TAF12: variants seen among roughly 807,000 people sequenced by gnomAD.
TAF12 encodes transcription initiation factor TFIID subunit 12.
A neutral mutation model predicts 20.8 loss-of-function variants in TAF12; 3 were observed. The observed-to-expected ratio is 0.14, with a 90% CI of 0.07 to 0.37. The LOEUF (loss-of-function observed/expected upper bound fraction) is 0.37, where lower values mean the gene tolerates loss of function less well. Ranked by LOEUF, TAF12 falls within the 10% of genes least tolerant of loss-of-function variation. The pLI is 1.00. For synonymous variants in TAF12, 69 were observed against 70.2 expected (o/e 0.98, Z 0.09); for missense variants, 131 against 197.9 (o/e 0.66, Z 2.03).
intron 3 of TAF12, among the ~76,000 whole-genome samples, chr1:28,613,906 G>A (rs1035932916): frequency 1.3e-5 from 2 of 152,146 alleles, no homozygotes; most frequent in South Asian, 2.1e-4. Context: ...TCAGAAGTTC[G>A]AGACCAGCCC....
intron 2 of TAF12, 59 bp from the exon 3 acceptor site, chr1:28,618,089 T>A (rs554548739): frequency 2.0e-6 from 3 of 1,490,008 alleles, no homozygotes; most frequent in East Asian, 4.6e-5. Context: ...AACAAATCAT[T>A]ACCCTGTAAT....
chr1:28,635,979 G>A (rs1362558775), intron 1 of TAF12, among the ~76,000 whole-genome samples: 1 of 152,126 alleles, frequency 6.6e-6, no homozygotes, highest in Non-Finnish European at 1.5e-5. Flanking sequence ...GCCCTATACT[G>A]TGGTGCATGA....
In TAF12 at chr1:28,606,101, C is replaced by A. The variant is rs559199345; in HGVS notation, c.362-641G>T. Among the ~76,000 whole-genome samples the A allele has an allele frequency of 3.3e-5, 5 of 152,178 alleles. No individual in the cohort carries two copies. The East Asian group carries it at 9.7e-4, about 29-fold the overall frequency. Reference sequence around the variant, plus strand: ...GAAACCTCTGCCACCTGGGTTCAAGCGATTCTCCTGCCTCAGACTCCCGAG... The same window carrying A: ...GAAACCTCTGCCACCTGGGTTCAAGAGATTCTCCTGCCTCAGACTCCCGAG... On this transcript the variant is annotated intron_variant, in intron 4 of 5. Transcript: ENST00000373824.
intron 1 of TAF12, among the ~76,000 whole-genome samples, chr1:28,627,406 A>AAAAAG (rs1667443611): frequency 6.6e-6 from 1 of 150,780 alleles, no homozygotes; most frequent in African/African-American, 2.4e-5. Context: ...AAAAAAAAAA[A>AAAAAG]AAAGAGGCCG....
intron 1 of TAF12, among the ~76,000 whole-genome samples, chr1:28,639,426 CAAA>C (rs58772752): frequency 1.1e-5 from 1 of 89,516 alleles, no homozygotes; most frequent in Admixed American, 1.2e-4. Context: ...CTCCGTCTCA[CAAA>C]AAAAAAAAAA....
At position 28,603,402 on chromosome 1, in the gene TAF12, A is replaced by G; in HGVS notation, c.*137T>C. ...TGGCAGATCCTCTCAGTCATTATAGATATTGCTGCACTGTTAATAAAAAAT... is the reference window on the plus strand; with the variant it reads ...TGGCAGATCCTCTCAGTCATTATAGGTATTGCTGCACTGTTAATAAAAAAT... On this transcript the variant is annotated 3_prime_UTR_variant, in exon 6 of 6. Coordinates refer to ENST00000373824, the MANE Select transcript of TAF12 (RefSeq NM_005644.4). The G allele has an allele frequency of 1.2e-6, 1 of 839,814 alleles. No homozygotes were observed. Among genetic ancestry groups the G allele is most frequent in the Non-Finnish European group, 1.9e-6 (1 of 533,230 alleles). 52.0% of individuals were successfully genotyped at this position (839,814 alleles called of 1,614,324 possible).
intron 1 of TAF12, among the ~76,000 whole-genome samples, chr1:28,625,658 C>T (rs1166420252): frequency 6.6e-6 from 1 of 151,520 alleles, no homozygotes; most frequent in Non-Finnish European, 1.5e-5. Flanking sequence ...TCTCCTGTCT[C>T]AGCCTCCCAA....
intron 1 of TAF12, chr1:28,642,756 G>A (rs1668080331): frequency 1.0e-6 from 1 of 985,380 alleles, no homozygotes; most frequent in East Asian, 1.1e-4. Flanking sequence ...CTTTCCCTCA[G>A]ATGCCGGAGA....
intron 1 of TAF12, among the ~76,000 whole-genome samples, chr1:28,629,886 C>T (rs1397952803): frequency 1.3e-5 from 2 of 152,042 alleles, no homozygotes; most frequent in African/African-American, 2.4e-5. Context: ...TCAGTCTTCT[C>T]CCCTCAGCTT....
chr1:28,635,222 T>C (rs1667777439), intron 1 of TAF12, among the ~76,000 whole-genome samples: 1 of 140,160 alleles, frequency 7.1e-6, no homozygotes, highest in South Asian at 2.6e-4. Flanking sequence ...AGAGCAAGAC[T>C]CCGTCTCAAA....
intron 1 of TAF12, among the ~76,000 whole-genome samples, chr1:28,632,692 T>C (rs934435148): frequency 2.0e-5 from 3 of 151,386 alleles, no homozygotes; most frequent in Non-Finnish European, 4.4e-5. Context: ...TGTTAAGGAG[T>C]CTGGGGCAGA....
chr1:28,630,687 A>C (rs1420459695), intron 1 of TAF12, among the ~76,000 whole-genome samples: 1 of 145,770 alleles, frequency 6.9e-6, no homozygotes, highest in Non-Finnish European at 1.5e-5. Flanking sequence ...CAATCCACAA[A>C]AGAAAAGAAT....
chr1:28,635,936 T>C (rs1004223809), intron 1 of TAF12, among the ~76,000 whole-genome samples: 48 of 152,120 alleles, frequency 3.2e-4, no homozygotes, highest in African/African-American at 1.1e-3. Context: ...AGCAAAATAC[T>C]GGAATCAAGA....
At chr1:28,623,481 A>G (rs914330684) in intron 1 of TAF12, among the ~76,000 whole-genome samples, 1 of 117,402 alleles carries the variant, frequency 8.5e-6, no homozygotes, top group African/African-American at 3.9e-5. Flanking sequence ...ATCTCAAATA[A>G]TAATAAAAAT....
intron 4 of TAF12, among the ~76,000 whole-genome samples, chr1:28,609,040 C>A (rs984568088): frequency 6.6e-6 from 1 of 151,972 alleles, no homozygotes; most frequent in Non-Finnish European, 1.5e-5. Context: ...TACCTATATG[C>A]GTTATGTGTG....
intron 4 of TAF12, among the ~76,000 whole-genome samples, chr1:28,612,990 C>CT (rs1209698422): frequency 6.6e-6 from 1 of 152,148 alleles, no homozygotes. Context: ...GAAACAGACT[C>CT]TAAGAGATAC....
At chr1:28,606,713 C>T (rs948741275) in intron 4 of TAF12, among the ~76,000 whole-genome samples, 10 of 152,184 alleles carry the variant, frequency 6.6e-5, no homozygotes, top group African/African-American at 2.4e-4. Context: ...TTGTCTTAAT[C>T]CTAAGGCTCA....
chr1:28,618,032 TA>T lies in TAF12; in HGVS notation c.169-3del. The stretch of plus-strand genomic sequence containing the variant: ...CTGTAATTTCTTCTTGGTCAATACC[TA>T]AAGTTAATTGGAAGAAGACTTTTCA... On this transcript the variant is annotated splice_polypyrimidine_tract_variant and splice_region_variant and intron_variant, in intron 2 of 5. Transcript: ENST00000373824. 1.2e-6 allele frequency: 2 copies of T among 1,611,742 alleles called. No individual in the cohort carries two copies. Among genetic ancestry groups the T allele is most frequent in the Non-Finnish European group, 1.7e-6 (2 of 1,178,646 alleles).
chr1:28,618,534 A>ATT (rs968347496), intron 2 of TAF12, among the ~76,000 whole-genome samples: 163 of 125,598 alleles, frequency 1.3e-3, no homozygotes, highest in Middle Eastern at 4.5e-3. Context: ...TACCTGGCTA[A>ATT]TTTTTTTTTT....
Sources: gnomAD v4.1 joint callset for allele counts (sites outside exome capture counted in the v4.1 genomes callset) on GRCh38, gnomAD v4.1.1 for gene constraint, MANE v1.5 for transcripts, NCBI Gene and HGNC (gene_info 2026-07-23, HGNC 2026-07-21) for gene names.